Variants in COL4A6 observed in about 807,000 individuals in gnomAD.
COL4A6 encodes collagen type IV alpha 6 chain, also known as collagen alpha-6(IV) chain.
Under a neutral mutation model 126.7 loss-of-function variants are expected in COL4A6, and 59 were observed. The ratio of observed to expected loss-of-function variants is 0.47; its 90% CI spans 0.38 to 0.58. The LOEUF (loss-of-function observed/expected upper bound fraction) is 0.58, where lower values mean the gene tolerates loss of function less well. COL4A6 is among the 20% of genes least tolerant of loss of function. The pLI, the probability that COL4A6 is intolerant of heterozygous loss-of-function variation, is 0.00. For missense variants in COL4A6, 1,285 were observed against 1,337.3 expected (o/e 0.96, Z 0.61); for synonymous variants, 547 against 496.6 (o/e 1.10, Z -1.35).
chrX:108,279,157 G>A (rs1228680724), intron 3 of COL4A6, among the ~76,000 whole-genome samples: 2 of 111,762 alleles, frequency 1.8e-5, no homozygotes, highest in Non-Finnish European at 3.8e-5. Flanking sequence ...AACCTTAAAT[G>A]TAAATGAACT....
At chrX:108,364,451 A>C (rs2040153601) in intron 2 of COL4A6, among the ~76,000 whole-genome samples, 1 of 111,027 alleles carries the variant, frequency 9.0e-6, no homozygotes, top group Non-Finnish European at 1.9e-5. Flanking sequence ...TATTTGTATA[A>C]ATTTAAGGGG....
intron 3 of COL4A6, among the ~76,000 whole-genome samples, chrX:108,226,340 A>G (rs950747147): frequency 8.9e-6 from 1 of 111,985 alleles, no homozygotes; most frequent in Non-Finnish European, 1.9e-5. Flanking sequence ...ATGCACAGAC[A>G]TCATTGAGCG....
intron 2 of COL4A6, among the ~76,000 whole-genome samples, chrX:108,323,107 G>C (rs1048311635): frequency 9.0e-6 from 1 of 111,713 alleles, no homozygotes; most frequent in African/African-American, 3.3e-5. Flanking sequence ...CTGTAATTGA[G>C]TCACTCCTAC....
chrX:108,391,372 T>G (rs2040835435), intron 2 of COL4A6, among the ~76,000 whole-genome samples: 1 of 111,628 alleles, frequency 9.0e-6, no homozygotes, highest in South Asian at 3.8e-4. Context: ...GGCTGCTGCC[T>G]TTTTTTCAGA....
At chrX:108,377,401 T>TA (rs1352898180) in intron 2 of COL4A6, among the ~76,000 whole-genome samples, 5 of 109,804 alleles carry the variant, frequency 4.6e-5, no homozygotes, top group African/African-American at 1.7e-4. Flanking sequence ...TTTTTTTTTT[T>TA]ATGTGAAAAG....
chrX:108,395,925 C>G (rs2040953537), intron 2 of COL4A6, among the ~76,000 whole-genome samples: 1 of 111,385 alleles, frequency 9.0e-6, no homozygotes, highest in Non-Finnish European at 1.9e-5. Flanking sequence ...CATGGCTGAT[C>G]CAGGACCGCT....
chrX:108,176,894 C>T lies in COL4A6; in HGVS notation c.2633G>A (p.Gly878Glu). ...AGCGACCCCTGGAGAGCCTGGGCTT[C>T]CTTTCAGTCCTACTAGGCCTGGATT... The part of the protein sequence containing the change: ...PGNPGLVGLK[G>E]SPGSPGVAGL... Residue 878 changes from glycine to glutamate, a missense_variant, in exon 28 of 45, where the codon GGA (glycine) becomes GAA (glutamate). Physicochemically the swap from Gly to Glu is moderately conservative, Grantham distance 98 (BLOSUM62 -2). Coordinates refer to ENST00000334504, the MANE Select transcript of COL4A6 (RefSeq NM_033641.4). 8.3e-7 allele frequency: 1 copy of T among 1,211,595 alleles called. No individual in the cohort carries two copies. Among genetic ancestry groups the T allele is most frequent in the Non-Finnish European group, 1.1e-6 (1 of 895,508 alleles).
chrX:108,252,962 A>C (rs2036890076), intron 3 of COL4A6, among the ~76,000 whole-genome samples: 1 of 111,728 alleles, frequency 9.0e-6, no homozygotes, highest in Non-Finnish European at 1.9e-5. Context: ...ATAAAAATAA[A>C]CGTGAACAAA....
chrX:108,263,813 A>G (rs757417305), intron 3 of COL4A6, among the ~76,000 whole-genome samples: 2 of 111,503 alleles, frequency 1.8e-5, no homozygotes, highest in Non-Finnish European at 3.8e-5. Flanking sequence ...ATGTGCAATT[A>G]GGTTTGGGAG....
Position 108,236,870 on chromosome X carries a change from T to C in COL4A6, c.145-15496A>G, listed in dbSNP as rs143641418. On this transcript the variant is annotated intron_variant, in intron 3 of 44. Coordinates refer to ENST00000334504, the MANE Select transcript of COL4A6 (RefSeq NM_033641.4). ...CATCACCGAACACTCTTTTCCCTTC[T>C]GAAACCCCCTCCTTGGCTTTCACTG... Among the ~76,000 whole-genome samples the C allele has an allele frequency of 4.4e-3, 490 of 111,810 alleles. 2 individuals carry two copies. The highest frequency in any genetic ancestry group is 6.7e-3 in the Non-Finnish European group (356 of 53,141).
rs193111976 is a variant in COL4A6, at chrX:108,398,531, C to T, written c.63+39411G>A. On this transcript the variant is annotated intron_variant, in intron 2 of 44. Coordinates refer to ENST00000334504, the MANE Select transcript of COL4A6 (RefSeq NM_033641.4). ...TATATTCTGTAGTGGTGGTAACATTCTTGTTCCTTGTTCTGGGTGGTAGTT... is the reference window on the plus strand; with the variant it reads ...TATATTCTGTAGTGGTGGTAACATTTTTGTTCCTTGTTCTGGGTGGTAGTT... Among the ~76,000 whole-genome samples the T allele has an allele frequency of 8.1e-5, 9 of 111,095 alleles. No individual in the cohort carries two copies. The East Asian group carries it at 2.5e-3, about 31-fold the overall frequency.
chrX:108,325,379 C>T (rs1331340659), intron 2 of COL4A6, among the ~76,000 whole-genome samples: 1 of 111,699 alleles, frequency 9.0e-6, no homozygotes, highest in Non-Finnish European at 1.9e-5. Flanking sequence ...GATTCCCGTG[C>T]AAGACATAAA....
At chrX:108,214,342 C>A in intron 5 of COL4A6, 114 bp from the exon 6 acceptor site, 1 of 500,083 alleles carries the variant, frequency 2.0e-6, no homozygotes, top group Non-Finnish European at 3.5e-6. Context: ...CTTGTTCACT[C>A]CCTTAGCCCC....
chrX:108,324,592 G>A (rs1244568185), intron 2 of COL4A6, among the ~76,000 whole-genome samples: 1 of 111,853 alleles, frequency 8.9e-6, no homozygotes, highest in Non-Finnish European at 1.9e-5. Context: ...TTTTTAGTAT[G>A]AGTATGTCCC....
chrX:108,318,214 G>A (rs1198212394), intron 2 of COL4A6, among the ~76,000 whole-genome samples: 2 of 111,060 alleles, frequency 1.8e-5, no homozygotes, highest in Non-Finnish European at 3.8e-5. Flanking sequence ...GGTATTGATG[G>A]GACGTATCTC....
At chrX:108,389,345 G>T (rs2040777600) in intron 2 of COL4A6, among the ~76,000 whole-genome samples, 1 of 111,668 alleles carries the variant, frequency 9.0e-6, no homozygotes, top group Non-Finnish European at 1.9e-5. Flanking sequence ...TATTGTGTGT[G>T]AGTCTAAGTC....
chrX:108,157,337 C>A, intron 44 of COL4A6, 77 bp from the exon 45 acceptor site: 3 of 1,139,122 alleles, frequency 2.6e-6, no homozygotes, highest in African/African-American at 1.8e-5. Context: ...TGCTCCACTG[C>A]TACAGGGGCA....
intron 3 of COL4A6, among the ~76,000 whole-genome samples, chrX:108,239,606 G>T (rs889350880): frequency 1.8e-5 from 2 of 111,519 alleles, no homozygotes; most frequent in Non-Finnish European, 3.8e-5. Flanking sequence ...TCCATTTATA[G>T]CTTGTAATGT....
chrX:108,256,722 C>T (rs2037016694), intron 3 of COL4A6, among the ~76,000 whole-genome samples: 1 of 111,047 alleles, frequency 9.0e-6, no homozygotes. Context: ...TACTGAATCA[C>T]AAACTCTGGA....
Sources: gnomAD v4.1 joint callset for allele counts (sites outside exome capture counted in the v4.1 genomes callset) on GRCh38, gnomAD v4.1.1 for gene constraint, MANE v1.5 for transcripts, NCBI Gene and HGNC (gene_info 2026-07-23, HGNC 2026-07-21) for gene names.